Variants in MYH13 observed in about 807,000 individuals in gnomAD.
The protein encoded by MYH13 is myosin heavy chain 13, also known as myosin-13.
A neutral mutation model predicts 232.1 loss-of-function variants in MYH13; 177 were observed. The ratio of observed to expected loss-of-function variants is 0.76; its 90% confidence interval spans 0.67 to 0.86. MYH13 has a LOEUF of 0.86. MYH13 is among the 40% of genes least tolerant of loss of function. The pLI is 0.00. For synonymous variants in MYH13, 884 were observed against 923.5 expected (o/e 0.96, Z 0.78); for missense variants, 2,246 against 2,405.9 (o/e 0.93, Z 1.39).
chr17:10,314,096 C>T (rs1339204542), intron 29 of MYH13, among the ~76,000 whole-genome samples: 1 of 152,226 alleles, frequency 6.6e-6, no homozygotes, highest in Admixed American at 6.5e-5. Flanking sequence ...TGTCAGCCCA[C>T]TTCAGTAATT....
chr17:10,370,777 G>T (rs113353890), intron 2 of MYH13, among the ~76,000 whole-genome samples: 2 of 152,090 alleles, frequency 1.3e-5, no homozygotes, highest in African/African-American at 2.4e-5. Flanking sequence ...TTACCGCACC[G>T]GGCATAGGAT....
At chr17:10,371,663 C>A (rs1355645855) in intron 1 of MYH13, among the ~76,000 whole-genome samples, 1 of 152,026 alleles carries the variant, frequency 6.6e-6, no homozygotes, top group Non-Finnish European at 1.5e-5. Flanking sequence ...ACTATGGGAA[C>A]TTAGAGAAAC....
intron 7 of MYH13, among the ~76,000 whole-genome samples, chr17:10,359,633 C>T (rs1485684528): frequency 6.6e-6 from 1 of 152,084 alleles, no homozygotes; most frequent in Admixed American, 6.6e-5. Flanking sequence ...CGGACTGGTC[C>T]CTGGTATCCA....
At chr17:10,358,881 A>C (rs982615782) in intron 7 of MYH13, among the ~76,000 whole-genome samples, 2 of 152,174 alleles carry the variant, frequency 1.3e-5, no homozygotes, top group Non-Finnish European at 2.9e-5. Flanking sequence ...TCTGATGTGT[A>C]CTCCAGTTTG....
At chr17:10,354,858 C>T (rs767695809) in intron 10 of MYH13, 37 bp downstream of exon 10, 9 of 1,588,036 alleles carry the variant, frequency 5.7e-6, no homozygotes, top group South Asian at 2.2e-5. Flanking sequence ...CCAACGTCAC[C>T]GATTTGGAAC....
At chr17:10,351,234 A>AAAAAAAAAAAAAAG (rs796765349) in intron 11 of MYH13, among the ~76,000 whole-genome samples, 1 of 150,290 alleles carries the variant, frequency 6.7e-6, no homozygotes, top group African/African-American at 2.4e-5. Flanking sequence ...AAAAAAAAAA[A>AAAAAAAAAAAAAAG]AGAGAACTGA....
intron 18 of MYH13, among the ~76,000 whole-genome samples, chr17:10,339,934 A>G (rs1339929434): frequency 6.6e-6 from 1 of 152,240 alleles, no homozygotes; most frequent in African/African-American, 2.4e-5. Flanking sequence ...TCATATCTGC[A>G]TAATTGGGAT....
chr17:10,319,144 C>T lies in MYH13; in HGVS notation c.3384G>A (p.Ala1128=), dbSNP rs373348807. The change falls in exon 27 of 41, where the codon GCG becomes GCA. Residue 1128 remains alanine, a synonymous_variant. Coordinates refer to ENST00000252172, the MANE Select transcript of MYH13 (RefSeq NM_003802.3). The part of the protein sequence containing the change: ...RIEELEEEIE[A]EHTLRAKIEK... ...CAATCTTGGCTCTGAGCGTGTGTTC[C>T]GCTTCAATTTCCTCCTCCAGCTCTT... 2.2e-5 allele frequency: 35 copies of T among 1,613,916 alleles called. No individual in the cohort carries two copies. Among genetic ancestry groups the T allele is most frequent in the Admixed American group, 5.0e-5 (3 of 59,966 alleles).
At chr17:10,309,117 G>T in intron 35 of MYH13, 117 bp downstream of exon 35, 1 of 1,048,094 alleles carries the variant, frequency 9.5e-7, no homozygotes, top group South Asian at 1.7e-5. Flanking sequence ...GAGAAACCGG[G>T]TGCTCCTTCC....
rs1198102771 is a variant in MYH13, at chr17:10,306,747, T to C, written c.5296-118A>G. 1.4e-5 allele frequency: 22 copies of C among 1,530,500 alleles called. No individual in the cohort carries two copies. The highest frequency in any genetic ancestry group is 1.8e-5 in the Non-Finnish European group (20 of 1,140,642). 94.8% of individuals were successfully genotyped at this position (1,530,500 alleles called of 1,614,324 possible). ...GCCTCCCCTGTCTGACTGGGGCCAGTCATTGCTGATTCCCCACAGCCTCCC... is the reference window on the plus strand; with the variant it reads ...GCCTCCCCTGTCTGACTGGGGCCAGCCATTGCTGATTCCCCACAGCCTCCC... On this transcript the variant is annotated intron_variant, in intron 36 of 40. Coordinates refer to ENST00000252172, the MANE Select transcript of MYH13 (RefSeq NM_003802.3). This position sits in a 1 kb window ranked among gnomAD's most constrained non-coding sequence, Gnocchi z 4.3.
intron 15 of MYH13, among the ~76,000 whole-genome samples, chr17:10,344,856 C>A (rs1289444316): frequency 6.6e-6 from 1 of 151,130 alleles, no homozygotes; most frequent in East Asian, 1.9e-4. Context: ...AATATCTATT[C>A]CTGTTTTCAT....
At chr17:10,353,931 A>AAAGAAGGAAGGAAGGAAG (rs144466023) in intron 11 of MYH13, among the ~76,000 whole-genome samples, 1 of 146,058 alleles carries the variant, frequency 6.8e-6, no homozygotes, top group Non-Finnish European at 1.5e-5. Context: ...AAGGAAGGAA[A>AAAGAAGGAAGGAAGGAAG]GAAGGAAGGA....
At chr17:10,369,719 C>T (rs1314080375) in intron 2 of MYH13, among the ~76,000 whole-genome samples, 1 of 152,194 alleles carries the variant, frequency 6.6e-6, no homozygotes, top group Non-Finnish European at 1.5e-5. Context: ...TTTACTCTAA[C>T]CGTGACTCAG....
intron 7 of MYH13, 119 bp downstream of exon 7, chr17:10,359,841 A>G (rs1306069980): frequency 1.6e-4 from 134 of 862,904 alleles, no homozygotes; most frequent in Non-Finnish European, 2.4e-5. Context: ...AGAGGAAAGA[A>G]AGAATTTTTC....
intron 40 of MYH13, 117 bp from the exon 41 acceptor site, chr17:10,301,082 G>T: frequency 1.1e-6 from 1 of 950,942 alleles, no homozygotes. Context: ...ATTAAGGAAT[G>T]GCGTTGTTTC....
intron 18 of MYH13, 24 bp from the exon 19 acceptor site, chr17:10,333,215 T>C: frequency 6.7e-7 from 1 of 1,485,254 alleles, no homozygotes; most frequent in Non-Finnish European, 9.2e-7. Context: ...GTCCCGGGGG[T>C]GTGCCTGTGA....
intron 2 of MYH13, among the ~76,000 whole-genome samples, chr17:10,366,939 C>G (rs574021989): frequency 5.9e-5 from 9 of 152,290 alleles, no homozygotes; most frequent in Non-Finnish European, 8.8e-5. Context: ...TCTGCTGAAC[C>G]ATCTGTGGGT....
chr17:10,344,112 G>A lies in MYH13; in HGVS notation c.1585-3C>T, dbSNP rs75571684. Reference sequence around the variant, plus strand: ...AGGATGGAGAAGATGCCCATAGGCTGGAAAGAGGATAACAGAGTCTACATA... The same window carrying A: ...AGGATGGAGAAGATGCCCATAGGCTAGAAAGAGGATAACAGAGTCTACATA... On this transcript the variant is annotated splice_region_variant and splice_polypyrimidine_tract_variant and intron_variant, in intron 15 of 40. Transcript: ENST00000252172. 3,554 of 1,613,862 alleles carry A rather than the reference G, an allele frequency of 2.2e-3. 96 individuals carry two copies. In the East Asian group the frequency reaches 0.06, roughly 27 times the overall value.
In MYH13 at chr17:10,361,352, C is replaced by T. The variant is rs113733239; in HGVS notation, c.505+766G>A. 4.0e-3 allele frequency among the ~76,000 whole-genome samples: 592 copies of T among 147,958 alleles called. 4 individuals are homozygous for T. Among genetic ancestry groups the T allele is most frequent in the African/African-American group, 0.014 (568 of 39,926 alleles). On this transcript the variant is annotated intron_variant, in intron 5 of 40. Coordinates refer to ENST00000252172, the MANE Select transcript of MYH13 (RefSeq NM_003802.3). The stretch of plus-strand genomic sequence containing the variant: ...TTTTGCCCAGGCTGAAGTGCAGTGG[C>T]GAGATCTCAGCTCACCGCAACCTCC...
Sources: gnomAD v4.1 joint callset for allele counts (sites outside exome capture counted in the v4.1 genomes callset) on GRCh38, gnomAD v4.1.1 for gene constraint, Gnocchi (gnomAD v3.1) non-coding constraint, MANE v1.5 for transcripts, NCBI Gene and HGNC (gene_info 2026-07-23, HGNC 2026-07-21) for gene names.